Variants in RIOK1 observed in about 807,000 individuals in gnomAD.
The protein encoded by RIOK1 is RIO kinase 1.
Under a neutral mutation model 73.5 loss-of-function variants are expected in RIOK1, and 66 were observed. The observed-to-expected ratio is 0.90, with a 90% CI of 0.74 to 1.10. The LOEUF (loss-of-function observed/expected upper bound fraction) is 1.10, where lower values mean the gene tolerates loss of function less well. RIOK1 is among the 50% of genes least tolerant of loss of function. The probability of loss-of-function intolerance (pLI) is 0.00; values close to 1 mark genes in which losing one functional copy is unlikely to be tolerated. For missense variants in RIOK1, 658 were observed against 699.8 expected, an observed-to-expected ratio of 0.94 and a Z score of 0.67; for synonymous variants, 224 against 226.8, an observed-to-expected ratio of 0.99 and a Z score of 0.11.
intron 14 of RIOK1, among the ~76,000 whole-genome samples, chr6:7,412,274 T>A (rs1210210988): frequency 2.0e-5 from 3 of 151,378 alleles, no homozygotes; most frequent in Non-Finnish European, 4.4e-5. Flanking sequence ...GGCACGAGAA[T>A]CACTTGAACC....
chr6:7,396,761 G>C lies in RIOK1; in HGVS notation c.426G>C (p.Lys142Asn), dbSNP rs1444655102. Residue 142 changes from lysine to asparagine, a missense_variant, in exon 4 of 17, where the codon AAG becomes AAC. By Grantham distance (94) the Lys-to-Asn change is moderately conservative (BLOSUM62 0). Coordinates refer to ENST00000379834, the MANE Select transcript of RIOK1 (RefSeq NM_031480.3). Reference sequence around the variant, plus strand: ...AAGTCACCGAAAAGTCTAGACAAAAGGAAGCAGATATGTAAGTAATATTTT... The same window carrying C: ...AAGTCACCGAAAAGTCTAGACAAAACGAAGCAGATATGTAAGTAATATTTT... ...INKVTEKSRQKEADMYRIKDK... is the reference protein window; with the variant it reads ...INKVTEKSRQNEADMYRIKDK... The C allele has an allele frequency of 1.9e-6, 3 of 1,578,772 alleles. No homozygotes were observed. In the South Asian group the frequency reaches 3.3e-5, roughly 18 times the overall value.
intron 6 of RIOK1, 110 bp from the exon 7 acceptor site, chr6:7,402,493 C>T (rs1761635785): frequency 1.4e-6 from 1 of 690,012 alleles, no homozygotes; most frequent in Non-Finnish European, 2.4e-6. Context: ...AGTGGTATTC[C>T]TTATGCATGT....
rs1762039804 is a variant in RIOK1, at chr6:7,417,554, C to T, written c.*113C>T. The T allele has an allele frequency of 3.2e-6, 2 of 624,472 alleles. No individual in the cohort carries two copies. The highest frequency in any genetic ancestry group is 5.5e-6 in the Non-Finnish European group (2 of 366,692). 38.7% of individuals were successfully genotyped at this position (624,472 alleles called of 1,614,324 possible). On this transcript the variant is annotated 3_prime_UTR_variant, in exon 17 of 17. Coordinates refer to ENST00000379834, the MANE Select transcript of RIOK1 (RefSeq NM_031480.3). ...TTTTAACCAGATTGTCATCGTGGCA[C>T]TGTCTGTGAAGACGGATTCAAATGT... is the stretch of plus-strand genomic sequence containing the variant.
intron 12 of RIOK1, among the ~76,000 whole-genome samples, chr6:7,409,047 G>A (rs192661999): frequency 2.0e-5 from 3 of 151,396 alleles, no homozygotes; most frequent in African/African-American, 4.8e-5. Context: ...TTTTTTGACG[G>A]AGTTTCGCTC....
chr6:7,405,417 C>A, intron 12 of RIOK1, 62 bp downstream of exon 12: 1 of 974,370 alleles, frequency 1.0e-6, no homozygotes, highest in Non-Finnish European at 1.6e-6. Flanking sequence ...TCTCTTATCT[C>A]AAGTGCTTGG....
Position 7,389,886 on chromosome 6 carries a change from C to T in RIOK1, c.-117C>T, listed in dbSNP as rs1761281758. ...CGCACGTGGTGGCCACTGTTGGCTT[C>T]TGAATGGTTTGCAAGGCGGATATCC... On this transcript the variant is annotated 5_prime_UTR_variant, in exon 1 of 17. Coordinates refer to ENST00000379834, the MANE Select transcript of RIOK1 (RefSeq NM_031480.3). The T allele has an allele frequency of 1.3e-6, 1 of 757,432 alleles. No homozygotes were observed. Among genetic ancestry groups the T allele is most frequent in the Non-Finnish European group, 2.1e-6 (1 of 465,614 alleles). The allele number at this position is 757,432 out of a possible 1,614,324, so 46.9% of individuals were successfully genotyped here.
rs746358420 is a variant in RIOK1, at chr6:7,393,313, A to G, written c.276+10A>G. 13 of 1,612,698 alleles carry G rather than the reference A, an allele frequency of 8.1e-6. No individual in the cohort carries two copies. The South Asian group carries it at 1.4e-4, about 18-fold the overall frequency. On this transcript the variant is annotated intron_variant, in intron 2 of 16. Coordinates refer to ENST00000379834, the MANE Select transcript of RIOK1 (RefSeq NM_031480.3). ...AGGAAGCAACCCACAGGTATTTTAT[A>G]AAGGATCCTGCACATCTTTATGTAG... is the stretch of plus-strand genomic sequence containing the variant.
intron 12 of RIOK1, among the ~76,000 whole-genome samples, chr6:7,410,005 G>A (rs574372742): frequency 2.3e-4 from 35 of 152,186 alleles, no homozygotes; most frequent in Middle Eastern, 6.8e-3. Flanking sequence ...AATTCCCTTC[G>A]CCGACTGCTC....
At position 7,417,909 on chromosome 6, in the gene RIOK1, G is replaced by A. The variant is rs1762048025; in HGVS notation, c.*468G>A. 6.6e-6 allele frequency: 1 copy of A among 152,230 alleles called. No individual in the cohort carries two copies. Among genetic ancestry groups the A allele is most frequent in the Non-Finnish European group, 1.5e-5 (1 of 68,086 alleles). 9.4% of individuals were successfully genotyped at this position (152,230 alleles called of 1,614,324 possible). A position where few individuals can be genotyped will look rare whatever the true frequency, so the allele number is the denominator to read the frequency against. ...AGGGAATTTCACCCACAGTTCAGCT[G>A]GCTGTTGATTTTCACTGCAACTCTG... is the stretch of plus-strand genomic sequence containing the variant. On this transcript the variant is annotated 3_prime_UTR_variant, in exon 17 of 17. Coordinates refer to ENST00000379834, the MANE Select transcript of RIOK1 (RefSeq NM_031480.3).
intron 15 of RIOK1, among the ~76,000 whole-genome samples, chr6:7,413,380 G>C (rs192607007): frequency 1.3e-5 from 2 of 152,302 alleles, no homozygotes; most frequent in East Asian, 1.9e-4. Context: ...CTGGATTCCT[G>C]TGATGTTCTT....
chr6:7,417,386 C>T lies in RIOK1; in HGVS notation c.1652C>T (p.Pro551Leu), dbSNP rs547082776. 33 of 1,568,620 alleles carry T rather than the reference C, an allele frequency of 2.1e-5. No homozygotes were observed. The highest frequency in any genetic ancestry group is 7.7e-5 in the Admixed American group (4 of 52,218). The change falls in exon 17 of 17, where the codon CCT becomes CTT. Residue 551 changes from proline (P) to leucine (L), a missense_variant. Physicochemically the swap from Pro to Leu is moderately conservative, Grantham distance 98. Transcript: ENST00000379834. ...AQREKRKNKI[P>L]KHVKKRKEKT... ...AGAGAGAAAAGAAAAAACAAAATTC[C>T]TAAACATGTGAAAAAAAGAAAGGAG...
intron 5 of RIOK1, 110 bp from the exon 6 acceptor site, chr6:7,400,848 A>C: frequency 1.6e-6 from 1 of 616,826 alleles, no homozygotes; most frequent in Non-Finnish European, 2.9e-6. Context: ...TTAGTCAACC[A>C]GGATAGCGTC....
chr6:7,410,381 C>T lies in RIOK1; in HGVS notation c.1204-5C>T, dbSNP rs1161551588. On this transcript the variant is annotated splice_polypyrimidine_tract_variant and splice_region_variant and intron_variant, in intron 12 of 16. Transcript: ENST00000379834. ...AAAGAAAGTCATTTTTGTTTTCTTT[C>T]CAAGGCCATGGAAATAGCATCTCAA... 1 of 1,607,268 alleles carries T rather than the reference C, an allele frequency of 6.2e-7. No homozygotes were observed. The highest frequency in any genetic ancestry group is 8.5e-7 in the Non-Finnish European group (1 of 1,174,332).
At chr6:7,402,290 TTATC>T (rs916099368) in intron 6 of RIOK1, among the ~76,000 whole-genome samples, 3 of 152,214 alleles carry the variant, frequency 2.0e-5, no homozygotes, top group Admixed American at 6.5e-5. Flanking sequence ...TGGTAAATAT[TTATC>T]TATCTAAACA....
At chr6:7,404,172 C>T in intron 9 of RIOK1, 145 bp downstream of exon 9, 2 of 758,128 alleles carry the variant, frequency 2.6e-6, no homozygotes, top group Non-Finnish European at 4.4e-6. Context: ...TCAATGTATT[C>T]TACCTTTTCA....
At position 7,400,958 on chromosome 6, in the gene RIOK1, G is replaced by T. The variant is rs1412273865; in HGVS notation, c.481G>T (p.Val161Leu). ...TTTTAATTTTTGCATTTCTTTTTAG[G>T]TGTTGGATCCCAGAACAAGAATGAT... is the stretch of plus-strand genomic sequence containing the variant. ...DKADRATVEQ[V>L]LDPRTRMILF... is the part of the protein sequence containing the mutation. Residue 161 changes from valine (V) to leucine (L), a missense_variant and splice_region_variant, in exon 6 of 17, where the codon GTG (valine) becomes TTG (leucine). Transcript: ENST00000379834. The T allele has an allele frequency of 6.3e-7, 1 of 1,594,884 alleles. No homozygotes were observed. The highest frequency in any genetic ancestry group is 8.6e-7 in the Non-Finnish European group (1 of 1,167,218).
chr6:7,398,597 C>A lies in RIOK1; in HGVS notation c.438-101C>A, dbSNP rs538252603. On this transcript the variant is annotated intron_variant, in intron 4 of 16. Coordinates refer to ENST00000379834, the MANE Select transcript of RIOK1 (RefSeq NM_031480.3). ...TCATAAAATCTGTTATTTAGAGAAA[C>A]TACCTACTTAGGAATTTTCATGAAA... 4 of 827,496 alleles carry A rather than the reference C, an allele frequency of 4.8e-6. No homozygotes were observed. The African/African-American group carries it at 6.9e-5, about 14-fold the overall frequency. The allele number at this position is 827,496 out of a possible 1,614,324, so 51.3% of individuals were successfully genotyped here. A position where few individuals can be genotyped will look rare whatever the true frequency, so the allele number is the denominator to read the frequency against.
At chr6:7,391,734 T>C (rs996695199) in intron 1 of RIOK1, among the ~76,000 whole-genome samples, 5 of 152,154 alleles carry the variant, frequency 3.3e-5, no homozygotes, top group Non-Finnish European at 7.3e-5. Context: ...ATCTGGTAAG[T>C]AGAGGCCAGA....
In RIOK1 at chr6:7,405,029, G is replaced by A; in HGVS notation, c.1096+8G>A. ...ATTGCGCCAACGTCAATGGTGAGTA[G>A]AAACGGCAATTTTCGAAACAGCTCA... On this transcript the variant is annotated splice_region_variant and intron_variant, in intron 11 of 16. Transcript: ENST00000379834. The A allele has an allele frequency of 6.2e-7, 1 of 1,609,620 alleles. No homozygotes were observed. The highest frequency in any genetic ancestry group is 2.2e-5 in the East Asian group (1 of 44,858).
Sources: allele counts gnomAD v4.1 joint callset (sites outside exome capture counted in the v4.1 genomes callset), GRCh38; gene constraint gnomAD v4.1.1; transcripts MANE v1.5; gene names NCBI Gene and HGNC (gene_info 2026-07-23, HGNC 2026-07-21).